PSEN2: variants seen among roughly 807,000 people sequenced by gnomAD.
PSEN2 encodes the protein presenilin 2.
A neutral mutation model predicts 49.1 loss-of-function variants in PSEN2; 32 were observed. The observed-to-expected ratio is 0.65, with a 90% CI of 0.49 to 0.88. The LOEUF (loss-of-function observed/expected upper bound fraction) is 0.88. PSEN2 is among the 40% of genes least tolerant of loss of function. The pLI is 0.00. For missense variants in PSEN2, 522 were observed against 586.9 expected (o/e 0.89, Z 1.14); for synonymous variants, 255 against 244.0 (o/e 1.05, Z -0.42).
chr1:226,901,598 G>A (rs1457203494), downstream of PSEN2, among the ~76,000 whole-genome samples: 3 of 152,162 alleles, frequency 2.0e-5, no homozygotes, highest in Non-Finnish European at 4.4e-5. Flanking sequence ...ATTCATGTGT[G>A]TGTGAAGTGG....
chr1:226,874,684 C>T (rs1392244819), intron 2 of PSEN2, among the ~76,000 whole-genome samples: 1 of 152,206 alleles, frequency 6.6e-6, no homozygotes, highest in Non-Finnish European at 1.5e-5. Context: ...TATTGAACAT[C>T]TACTGTGTGC....
intron 6 of PSEN2, among the ~76,000 whole-genome samples, 156 bp downstream of exon 6, chr1:226,885,835 C>T (rs895805438): frequency 7.2e-5 from 11 of 152,050 alleles, no homozygotes; most frequent in African/African-American, 2.7e-4. Context: ...CTGTCTCCCA[C>T]CGTGGATGAC....
chr1:226,900,918 G>A (rs986787628), downstream of PSEN2, among the ~76,000 whole-genome samples: 1 of 152,090 alleles, frequency 6.6e-6, no homozygotes, highest in African/African-American at 2.4e-5. Context: ...TTCAATTCTC[G>A]TAACAATAGG....
chr1:226,879,059 A>G (rs1376457747), intron 3 of PSEN2, among the ~76,000 whole-genome samples: 1 of 152,010 alleles, frequency 6.6e-6, no homozygotes, highest in African/African-American at 2.4e-5. Flanking sequence ...TTTTGTAGAG[A>G]TGGGGTTTTG....
intron 5 of PSEN2, chr1:226,884,609 G>A (rs2102674808): frequency 6.9e-6 from 1 of 144,842 alleles, no homozygotes; most frequent in African/African-American, 2.6e-5. Flanking sequence ...TGTTGTTGTT[G>A]TTTCTTTTAA....
chr1:226,875,112 C>T (rs575302343), intron 2 of PSEN2, among the ~76,000 whole-genome samples: 2 of 152,154 alleles, frequency 1.3e-5, no homozygotes, highest in South Asian at 4.1e-4. Flanking sequence ...ATCAGAGGGC[C>T]CCTGGGGCCT....
intron 12 of PSEN2, 107 bp downstream of exon 12, chr1:226,894,232 T>C: frequency 1.3e-6 from 1 of 772,176 alleles, no homozygotes; most frequent in East Asian, 2.6e-5. Flanking sequence ...ATTTCTTCTC[T>C]TCCCTCTGAG....
chr1:226,882,346 T>C (rs1188533303), intron 4 of PSEN2, among the ~76,000 whole-genome samples: 1 of 152,168 alleles, frequency 6.6e-6, no homozygotes, highest in Non-Finnish European at 1.5e-5. Flanking sequence ...GGAGAGTTTG[T>C]TTGGATGCCT....
At chr1:226,889,974 C>T in intron 8 of PSEN2, 61 bp from the exon 9 acceptor site, 2 of 1,343,388 alleles carry the variant, frequency 1.5e-6, no homozygotes, top group East Asian at 2.3e-5. Context: ...TGCTACAGGG[C>T]AGGCTCTTCT....
At chr1:226,892,268 C>T (rs1315043412) in intron 11 of PSEN2, among the ~76,000 whole-genome samples, 2 of 152,154 alleles carry the variant, frequency 1.3e-5, no homozygotes, top group African/African-American at 4.8e-5. Flanking sequence ...CTGAGCTGAG[C>T]TCTGAAGGTT....
chr1:226,870,950 T>G (rs865820858), intron 1 of PSEN2: 6 of 152,242 alleles, frequency 3.9e-5, no homozygotes, highest in Middle Eastern at 3.4e-3. Context: ...CGTCCCCACT[T>G]CCCTGCGCCC....
intron 12 of PSEN2, 56 bp downstream of exon 12, chr1:226,894,181 A>ATT: frequency 1.6e-6 from 2 of 1,289,758 alleles, no homozygotes; most frequent in Non-Finnish European, 2.3e-6. Flanking sequence ...CAGGGTCCTC[A>ATT]TTGTGGTGGG....
chr1:226,902,068 G>A (rs1391405572), intron 12 of PSEN2, among the ~76,000 whole-genome samples: 2 of 152,144 alleles, frequency 1.3e-5, no homozygotes, highest in Non-Finnish European at 2.9e-5. Context: ...AATCTTTAGG[G>A]ACCAGGGACT....
intron 10 of PSEN2, 64 bp downstream of exon 10, chr1:226,891,425 C>T (rs1162878034): frequency 1.2e-5 from 17 of 1,424,918 alleles, no homozygotes; most frequent in Non-Finnish European, 1.6e-5. Flanking sequence ...CTGCACCCAG[C>T]TCTGCTCGGC....
downstream of PSEN2, among the ~76,000 whole-genome samples, chr1:226,896,272 G>T (rs138924167): frequency 4.3e-3 from 652 of 152,334 alleles, 4 homozygotes; most frequent in African/African-American, 0.014. Flanking sequence ...CTAAGCAAAG[G>T]AGTTAGGAGA....
At chr1:226,900,103 A>G (rs1008929151), downstream of PSEN2, among the ~76,000 whole-genome samples, 7 of 152,202 alleles carry the variant, frequency 4.6e-5, no homozygotes, top group African/African-American at 1.7e-4. Flanking sequence ...GTCGTGAGGG[A>G]TCATGTGAAT....
At chr1:226,892,687 G>A (rs1250569918) in intron 11 of PSEN2, among the ~76,000 whole-genome samples, 1 of 152,122 alleles carries the variant, frequency 6.6e-6, no homozygotes, top group African/African-American at 2.4e-5. Context: ...AGGCAGGCTT[G>A]GGGGAGGTAT....
At chr1:226,891,399 G>A (rs1390681696) in intron 10 of PSEN2, 38 bp downstream of exon 10, 3 of 1,555,326 alleles carry the variant, frequency 1.9e-6, no homozygotes, top group African/African-American at 2.7e-5. Flanking sequence ...CTCATCACTG[G>A]GGGGCAGCTC....
At chr1:226,888,771 T>C in intron 7 of PSEN2, 58 bp from the exon 8 acceptor site, 1 of 1,471,524 alleles carries the variant, frequency 6.8e-7, no homozygotes, top group Non-Finnish European at 9.5e-7. Context: ...GGTGGTAAAC[T>C]GCTAGGCTGT....
Sources: gnomAD v4.1 joint callset for allele counts (sites outside exome capture counted in the v4.1 genomes callset) on GRCh38, gnomAD v4.1.1 for gene constraint, MANE v1.5 for transcripts, NCBI Gene and HGNC (gene_info 2026-07-23, HGNC 2026-07-21) for gene names.